The following SHROOM4 variants were observed in gnomAD, a reference collection of about 807,000 sequenced individuals.
SHROOM4 encodes protein Shroom4.
A neutral mutation model predicts 80.3 loss-of-function variants in SHROOM4; 17 were observed. The observed-to-expected ratio is 0.21, with a 90% confidence interval of 0.14 to 0.32. SHROOM4 has a LOEUF of 0.32. SHROOM4 is among the 10% of genes least tolerant of loss of function. The probability of loss-of-function intolerance (pLI) is 1.00; values close to 1 mark genes in which losing one functional copy is unlikely to be tolerated. For synonymous variants in SHROOM4, 400 were observed against 437.5 expected (o/e 0.91, Z 1.07); for missense variants, 993 against 1,140.3 (o/e 0.87, Z 1.86).
intron 2 of SHROOM4, among the ~76,000 whole-genome samples, chrX:50,669,528 T>C (rs1557260626): frequency 1.8e-5 from 2 of 111,339 alleles, no homozygotes; most frequent in African/African-American, 6.5e-5. Context: ...CTTGAACTCC[T>C]GGGATCAAGC....
chrX:50,761,222 G>C (rs1480049100), intron 1 of SHROOM4, among the ~76,000 whole-genome samples: 2 of 110,511 alleles, frequency 1.8e-5, no homozygotes, highest in African/African-American at 6.6e-5. Flanking sequence ...CCCAGTATCT[G>C]TTGTTCCCTT....
At position 50,591,614 on chromosome X, in the gene SHROOM4, T is replaced by A. The variant is rs1557245414; in HGVS notation, c.*5081A>T. ...CAGTGTAAAAGTTTCGCACTTCTTTTGTTAAATTATTCCTAAGTACTTTTT... is the reference window on the plus strand; with the variant it reads ...CAGTGTAAAAGTTTCGCACTTCTTTAGTTAAATTATTCCTAAGTACTTTTT... On this transcript the variant is annotated 3_prime_UTR_variant, in exon 9 of 9. Transcript: ENST00000376020. 3.5e-6 allele frequency: 1 copy of A among 287,847 alleles called. No individual in the cohort carries two copies. The highest frequency in any genetic ancestry group is 1.0e-4 in the East Asian group (1 of 9,623). The allele number at this position is 287,847 out of a possible 1,213,427, so 23.7% of individuals were successfully genotyped here. A position where few individuals can be genotyped will look rare whatever the true frequency, so the allele number is the denominator to read the frequency against.
At position 50,699,142 on chromosome X, in the gene SHROOM4, T is replaced by C. The variant is rs782149197; in HGVS notation, c.118-3205A>G. Among the ~76,000 whole-genome samples the C allele has an allele frequency of 1.2e-4, 13 of 112,303 alleles. No individual in the cohort carries two copies. The South Asian group carries it at 4.8e-3, about 42-fold the overall frequency. ...ATTGGAATGTCGGTATAAACACACA[T>C]CACAAAGCTCAATGTAAACGATGGT... is the stretch of plus-strand genomic sequence containing the variant. On this transcript the variant is annotated intron_variant, in intron 1 of 8. Coordinates refer to ENST00000376020, the MANE Select transcript of SHROOM4 (RefSeq NM_020717.5).
chrX:50,802,655 T>C (rs1247202911), intron 1 of SHROOM4, among the ~76,000 whole-genome samples: 1 of 112,243 alleles, frequency 8.9e-6, no homozygotes, highest in Non-Finnish European at 1.9e-5. Context: ...GAAGCAATTA[T>C]GTGACTGGTA....
chrX:50,725,986 G>C (rs1356176130), intron 1 of SHROOM4, among the ~76,000 whole-genome samples: 1 of 112,015 alleles, frequency 8.9e-6, no homozygotes, highest in Non-Finnish European at 1.9e-5. Context: ...TGACCAACAT[G>C]CTGATTGATG....
intron 6 of SHROOM4, 110 bp from the exon 7 acceptor site, chrX:50,602,923 G>GA (rs1929497001): frequency 4.1e-6 from 3 of 728,418 alleles, no homozygotes; most frequent in Non-Finnish European, 6.2e-6. Flanking sequence ...CCAAGGAGTT[G>GA]AAAAAAATGG....
chrX:50,633,088 T>A (rs1467328038), intron 4 of SHROOM4, 90 bp downstream of exon 4: 2 of 885,674 alleles, frequency 2.3e-6, no homozygotes, highest in African/African-American at 2.0e-5. Flanking sequence ...TTTCAAGGAA[T>A]TATAATTGTT....
intron 2 of SHROOM4, among the ~76,000 whole-genome samples, chrX:50,689,744 CAT>C (rs1933173739): frequency 8.9e-6 from 1 of 111,991 alleles, no homozygotes; most frequent in African/African-American, 3.2e-5. Flanking sequence ...CAATCTTTAA[CAT>C]GTTCATTTTT....
Position 50,814,044 on chromosome X carries a change from G to A in SHROOM4, c.-26C>T, listed in dbSNP as rs1557273806. On this transcript the variant is annotated 5_prime_UTR_variant, in exon 1 of 9. Coordinates refer to ENST00000376020, the MANE Select transcript of SHROOM4 (RefSeq NM_020717.5). The stretch of plus-strand genomic sequence containing the variant: ...CCTCGGCTGGGCTCAGGCGCCGCCG[G>A]GCTCCTTTTCCGAGGGGGCTACGTT... 3 of 1,121,739 alleles carry A rather than the reference G, an allele frequency of 2.7e-6. No homozygotes were observed. The highest frequency in any genetic ancestry group is 2.2e-5 in the Admixed American group (1 of 45,155). The allele number at this position is 1,121,739 out of a possible 1,213,427, so 92.4% of individuals were successfully genotyped here.
chrX:50,784,495 TG>T lies in SHROOM4; in HGVS notation c.117+29406del, dbSNP rs1935696814. ...GGATAATCTTTTAATCAAATAGTGC[TG>T]GAACAATTGGATGTTCATATGCAAC... On this transcript the variant is annotated intron_variant, in intron 1 of 8. Transcript: ENST00000376020. Among the ~76,000 whole-genome samples, 4 of 111,551 alleles carry T rather than the reference TG, an allele frequency of 3.6e-5. No individual in the cohort carries two copies. In the South Asian group the frequency reaches 1.1e-3, roughly 31 times the overall value.
At chrX:50,677,017 T>A (rs1273655277) in intron 2 of SHROOM4, among the ~76,000 whole-genome samples, 1 of 111,964 alleles carries the variant, frequency 8.9e-6, no homozygotes, top group Non-Finnish European at 1.9e-5. Context: ...TTTCTATAAA[T>A]TCTGTCTGGT....
intron 4 of SHROOM4, among the ~76,000 whole-genome samples, chrX:50,628,454 T>G (rs1930905905): frequency 8.9e-6 from 1 of 111,872 alleles, no homozygotes; most frequent in Admixed American, 9.5e-5. Context: ...GCCTTTCAGA[T>G]TCTCTCTTTG....
chrX:50,734,932 C>T (rs1316336873), intron 1 of SHROOM4, among the ~76,000 whole-genome samples: 1 of 110,038 alleles, frequency 9.1e-6, no homozygotes, highest in Non-Finnish European at 1.9e-5. Flanking sequence ...TCCCTTTGCT[C>T]TTCCTTCATC....
At chrX:50,788,112 A>C (rs1420615848) in intron 1 of SHROOM4, among the ~76,000 whole-genome samples, 3 of 112,160 alleles carry the variant, frequency 2.7e-5, no homozygotes, top group African/African-American at 9.7e-5. Flanking sequence ...CAAAAGTGTT[A>C]GACTGTAAAT....
At chrX:50,668,714 G>A (rs1386203531) in intron 2 of SHROOM4, among the ~76,000 whole-genome samples, 3 of 112,056 alleles carry the variant, frequency 2.7e-5, no homozygotes, top group Non-Finnish European at 5.6e-5. Flanking sequence ...TGACAGACAT[G>A]CATGAAACAA....
rs2147290014 is a variant in SHROOM4, at chrX:50,633,182, A to C, written c.2891T>G (p.Val964Gly). ...GNTWKPRKLT[V>G]QEFPGDKWNP... ...ACCCAAGAACCAAGTCCTCACCTGC[A>C]CTGTCAGCTTCCTGGGTTTCCAAGT... The change falls in exon 4 of 9, where the codon GTG (valine) becomes GGG (glycine). Residue 964 changes from valine (V) to glycine (G), a missense_variant. By Grantham distance (109) the Val-to-Gly change is moderately radical. Coordinates refer to ENST00000376020, the MANE Select transcript of SHROOM4 (RefSeq NM_020717.5). 8.3e-7 allele frequency: 1 copy of C among 1,210,532 alleles called. No homozygotes were observed. Among genetic ancestry groups the C allele is most frequent in the Non-Finnish European group, 1.1e-6 (1 of 894,777 alleles).
chrX:50,776,781 T>C (rs1935520679), intron 1 of SHROOM4, among the ~76,000 whole-genome samples: 1 of 109,424 alleles, frequency 9.1e-6, no homozygotes, highest in East Asian at 2.9e-4. Context: ...CTCAACCTCC[T>C]GGGCTCAAGC....
intron 1 of SHROOM4, among the ~76,000 whole-genome samples, chrX:50,746,094 G>A (rs1401575414): frequency 9.0e-6 from 1 of 111,545 alleles, no homozygotes; most frequent in Non-Finnish European, 1.9e-5. Flanking sequence ...ATTTATTAAT[G>A]TATAGTTGAT....
intron 1 of SHROOM4, among the ~76,000 whole-genome samples, chrX:50,784,987 T>C (rs1935710153): frequency 8.9e-6 from 1 of 111,962 alleles, no homozygotes; most frequent in African/African-American, 3.2e-5. Context: ...ATGATATACA[T>C]ATGGCAAATA....
Sources: allele counts gnomAD v4.1 joint callset (sites outside exome capture counted in the v4.1 genomes callset), GRCh38; gene constraint gnomAD v4.1.1; transcripts MANE v1.5; gene names NCBI Gene and HGNC (gene_info 2026-07-23, HGNC 2026-07-21).